Variants in TTC6 observed in about 807,000 individuals in gnomAD.
TTC6 encodes tetratricopeptide repeat domain 6, also known as tetratricopeptide repeat protein 6.
TTC6 carries 172 observed loss-of-function variants against 210.4 expected under a neutral mutation model. The observed-to-expected ratio is 0.82, with a 90% confidence interval of 0.72 to 0.93. The LOEUF (loss-of-function observed/expected upper bound fraction) is 0.93, where lower values mean the gene tolerates loss of function less well. TTC6 is among the 40% of genes least tolerant of loss of function. The pLI is 0.00. For synonymous variants in TTC6, 804 were observed against 819.6 expected (o/e 0.98, Z 0.32); for missense variants, 2,414 against 2,318.1 (o/e 1.04, Z -0.85).
At chr14:37,735,233 A>G (rs1039580791) in intron 7 of TTC6, among the ~76,000 whole-genome samples, 6 of 152,182 alleles carry the variant, frequency 3.9e-5, no homozygotes, top group Non-Finnish European at 7.4e-5. Flanking sequence ...TATTCAATAA[A>G]TATTTTTAAA....
chr14:37,696,678 A>T, intron 3 of TTC6, 39 bp from the exon 6 acceptor site: 2 of 1,032,894 alleles, frequency 1.9e-6, no homozygotes, highest in Non-Finnish European at 2.7e-6. Flanking sequence ...CTCTCATGTT[A>T]CATCTTCTCT....
intron 14 of TTC6, among the ~76,000 whole-genome samples, chr14:37,756,676 C>A (rs545029979): frequency 6.6e-6 from 1 of 152,254 alleles, no homozygotes; most frequent in Admixed American, 6.5e-5. Context: ...TTGAACCAGC[C>A]TTGCATCCCA....
At chr14:37,693,527 T>C (rs2095808445) in intron 3 of TTC6, among the ~76,000 whole-genome samples, 1 of 151,904 alleles carries the variant, frequency 6.6e-6, no homozygotes, top group Non-Finnish European at 1.5e-5. Context: ...TCCTAAAATT[T>C]ATATGGAACC....
rs72676144 is a variant in TTC6 at position 37,823,402 on chromosome 14, A to T, written c.4764-345A>T. On this transcript the variant is annotated intron_variant, in intron 26 of 30. Coordinates refer to ENST00000553443, the Ensembl canonical transcript of TTC6. ...AAGTACATTTCATCAATAGTAGCAT[A>T]TGTTTTTCTATACTGGTAATTGATA... is the stretch of plus-strand genomic sequence containing the variant. 6.8e-3 allele frequency among the ~76,000 whole-genome samples: 1,035 copies of T among 152,308 alleles called. 7 individuals are homozygous for T. Among genetic ancestry groups the T allele is most frequent in the Non-Finnish European group, 0.012 (788 of 68,022 alleles).
chr14:37,757,138 T>G (rs1285718251), intron 14 of TTC6, among the ~76,000 whole-genome samples: 1 of 151,992 alleles, frequency 6.6e-6, no homozygotes, highest in Non-Finnish European at 1.5e-5. Context: ...TGTGTGGAGG[T>G]GTTTGTAGTG....
chr14:37,756,560 G>C (rs1382215828), intron 14 of TTC6, among the ~76,000 whole-genome samples: 1 of 152,124 alleles, frequency 6.6e-6, no homozygotes. Context: ...GCATGAAAGG[G>C]TGTTGAATTT....
chr14:37,777,393 G>C (rs556200384), intron 14 of TTC6, among the ~76,000 whole-genome samples: 8 of 152,178 alleles, frequency 5.3e-5, no homozygotes, highest in Non-Finnish European at 1.2e-4. Flanking sequence ...CTGTTCTGCT[G>C]TTAATACTTG....
upstream of TTC6, among the ~76,000 whole-genome samples, chr14:37,617,625 C>G (rs1424628218): frequency 6.6e-6 from 1 of 152,080 alleles, no homozygotes; most frequent in Non-Finnish European, 1.5e-5. Flanking sequence ...TTATATATTT[C>G]TTTTGAGGCT....
At chr14:37,806,704 G>GAT (rs957352951) in intron 22 of TTC6, among the ~76,000 whole-genome samples, 194 bp downstream of exon 24, 14 of 151,964 alleles carry the variant, frequency 9.2e-5, no homozygotes, top group Admixed American at 6.6e-4. Context: ...GTGATATTCT[G>GAT]ATATATATAA....
intron 1 of TTC6, among the ~76,000 whole-genome samples, chr14:37,663,773 G>A (rs1312948660): frequency 2.0e-5 from 3 of 152,068 alleles, no homozygotes; most frequent in African/African-American, 7.2e-5. Context: ...CAGACCAAAA[G>A]CTTCTTACAT....
intron 16 of TTC6, among the ~76,000 whole-genome samples, chr14:37,791,550 G>A (rs1335883889): frequency 6.6e-6 from 1 of 152,136 alleles, no homozygotes; most frequent in Non-Finnish European, 1.5e-5. Context: ...AATTCATGGA[G>A]CATGGCTCCC....
intron 27 of TTC6, 35 bp from the exon 30 acceptor site, chr14:37,826,160 A>C (rs1566977000): frequency 6.3e-7 from 1 of 1,576,988 alleles, no homozygotes; most frequent in East Asian, 2.2e-5. Flanking sequence ...GTTATGGAGT[A>C]TTTCCTACTT....
chr14:37,644,824 G>C (rs188746428), intron 1 of TTC6, among the ~76,000 whole-genome samples: 2 of 152,174 alleles, frequency 1.3e-5, no homozygotes, highest in African/African-American at 4.8e-5. Flanking sequence ...CAATGGAAAA[G>C]GGTGGAGAAA....
intron 7 of TTC6, among the ~76,000 whole-genome samples, chr14:37,728,677 G>T (rs186399632): frequency 1.4e-3 from 206 of 152,110 alleles, no homozygotes; most frequent in African/African-American, 4.9e-3. Context: ...GTAACATATG[G>T]TGTTTTGGTC....
chr14:37,772,172 C>T (rs979115284), intron 14 of TTC6, among the ~76,000 whole-genome samples: 1 of 152,182 alleles, frequency 6.6e-6, no homozygotes, highest in African/African-American at 2.4e-5. Context: ...CTCAGATCTC[C>T]AGCTGCGTGC....
rs773246324 is a variant in TTC6, at chr14:37,823,957, GGTAATAT to G, written c.4974+1_4974+7del. On this transcript the variant is annotated splice_donor_variant and splice_donor_5th_base_variant and intron_variant, in intron 27 of 30. Coordinates refer to ENST00000553443, the Ensembl canonical transcript of TTC6. LOFTEE classifies it high-confidence loss of function. ...GAATTAGTTTTGGCTATAATTTGCA[GGTAATAT>G]AGCAACATTTTGAGCATTAAAAGCA... 7.4e-6 allele frequency: 12 copies of G among 1,613,022 alleles called. No individual in the cohort carries two copies. The African/African-American group carries it at 1.5e-4, about 20-fold the overall frequency.
At chr14:37,719,252 C>G (rs554399120) in intron 6 of TTC6, among the ~76,000 whole-genome samples, 8 of 151,104 alleles carry the variant, frequency 5.3e-5, no homozygotes, top group Non-Finnish European at 1.2e-4. Context: ...TTGGAAGAAT[C>G]AGGATAGTAA....
At chr14:37,664,155 T>C (rs1042135681) in intron 1 of TTC6, among the ~76,000 whole-genome samples, 16 of 150,574 alleles carry the variant, frequency 1.1e-4, no homozygotes, top group African/African-American at 3.6e-4. Flanking sequence ...AAAGCTATTT[T>C]AAAGCTCATG....
intron 29 of TTC6, chr14:37,837,209 C>T: frequency 1.6e-5 from 4 of 244,558 alleles, no homozygotes; most frequent in South Asian, 4.0e-5. Context: ...TTTCTCTTAC[C>T]TGAGAAAAAG....
Sources: gnomAD v4.1 joint callset for allele counts (sites outside exome capture counted in the v4.1 genomes callset) on GRCh38, gnomAD v4.1.1 for gene constraint, MANE v1.5 for transcripts, NCBI Gene and HGNC (gene_info 2026-07-23, HGNC 2026-07-21) for gene names.